Variants in SYT1 observed in about 807,000 individuals in gnomAD.
The protein encoded by SYT1 is synaptotagmin 1.
A neutral mutation model predicts 44.8 loss-of-function variants in SYT1; 8 were observed. That is an observed-to-expected ratio of 0.18 (90% CI 0.10 to 0.32). The LOEUF (loss-of-function observed/expected upper bound fraction) is 0.32, where lower values mean the gene tolerates loss of function less well. Among genes scored for constraint, SYT1 ranks in the 10% least tolerant of loss-of-function variants. SYT1 has a pLI of 1.00. For missense variants in SYT1, 286 were observed against 509.3 expected (o/e 0.56, Z 4.22); for synonymous variants, 154 against 188.8 (o/e 0.82, Z 1.51).
chr12:79,399,069 G>C (rs1884977191), intron 9 of SYT1, among the ~76,000 whole-genome samples: 1 of 152,138 alleles, frequency 6.6e-6, no homozygotes, highest in South Asian at 2.1e-4. Context: ...TTAATACATA[G>C]TCCAGTATTG....
At chr12:79,259,608 C>T (rs535145816) in intron 4 of SYT1, among the ~76,000 whole-genome samples, 3 of 152,248 alleles carry the variant, frequency 2.0e-5, no homozygotes, top group South Asian at 4.2e-4. Context: ...GTGTCATGCA[C>T]CTGTGGTCCC....
At chr12:79,054,845 T>C (rs183802754) in intron 3 of SYT1, among the ~76,000 whole-genome samples, 1 of 152,074 alleles carries the variant, frequency 6.6e-6, no homozygotes, top group Admixed American at 6.6e-5. Flanking sequence ...TCAGATTAAA[T>C]TATGTTTTTA....
rs113053569 is a variant in SYT1, at chr12:79,426,400, GA to G, written c.929-17663del. On this transcript the variant is annotated intron_variant, in intron 9 of 10. Transcript: ENST00000261205. ...TTCATACCACAGGCAATTATTCAAG[GA>G]AAAAAAAAACATATTTCACAGCCTT... is the stretch of plus-strand genomic sequence containing the variant. Among the ~76,000 whole-genome samples the G allele has an allele frequency of 4.5e-3, 659 of 147,316 alleles. 4 individuals carry two copies. The highest frequency in any genetic ancestry group is 5.6e-3 in the African/African-American group (224 of 40,274).
intron 4 of SYT1, among the ~76,000 whole-genome samples, chr12:79,257,336 G>A (rs762047525): frequency 9.2e-5 from 14 of 152,136 alleles, no homozygotes; most frequent in Non-Finnish European, 1.2e-4. Context: ...TATGTTTGTC[G>A]CACAGCTAAT....
chr12:79,323,660 A>T lies in SYT1; in HGVS notation c.810+24109A>T, dbSNP rs534238698. 3.5e-4 allele frequency among the ~76,000 whole-genome samples: 53 copies of T among 152,260 alleles called. 2 individuals carry two copies. In the South Asian group the frequency reaches 0.01, roughly 30 times the overall value. The stretch of plus-strand genomic sequence containing the variant: ...TATTCATGGATGCCAACATGCTGTA[A>T]CATAATTTTACATATTAAAATAGGC... On this transcript the variant is annotated intron_variant, in intron 8 of 10. Transcript: ENST00000261205.
Position 79,449,383 on chromosome 12 carries a change from T to A in SYT1, c.*259T>A, listed in dbSNP as rs1033925650. On this transcript the variant is annotated 3_prime_UTR_variant, in exon 11 of 11. Transcript: ENST00000261205. ...ATAGAGCATGAATGAAATTATTTAT[T>A]GTATCACACTGTTGTATATACCAGT... 6 of 465,518 alleles carry A rather than the reference T, an allele frequency of 1.3e-5. No individual in the cohort carries two copies. The highest frequency in any genetic ancestry group is 2.3e-5 in the Non-Finnish European group (6 of 257,284). 28.8% of individuals were successfully genotyped at this position (465,518 alleles called of 1,614,324 possible). A position where few individuals can be genotyped will look rare whatever the true frequency, so the allele number is the denominator to read the frequency against.
chr12:79,099,613 T>C (rs1176737924), intron 3 of SYT1, among the ~76,000 whole-genome samples: 1 of 152,148 alleles, frequency 6.6e-6, no homozygotes, highest in African/African-American at 2.4e-5. Flanking sequence ...TAGCTTGTCA[T>C]TTCTAACAAT....
intron 3 of SYT1, among the ~76,000 whole-genome samples, chr12:79,068,810 T>C (rs1269802660): frequency 6.6e-6 from 1 of 152,132 alleles, no homozygotes. Flanking sequence ...ACTCAGGAGT[T>C]CATGAGCAGC....
intron 3 of SYT1, among the ~76,000 whole-genome samples, chr12:79,215,147 G>A (rs1012819002): frequency 5.3e-5 from 8 of 152,110 alleles, no homozygotes; most frequent in Non-Finnish European, 1.0e-4. Context: ...CTTCTGGGAC[G>A]TGACTTGAGT....
intron 3 of SYT1, among the ~76,000 whole-genome samples, chr12:79,091,708 C>T (rs1877786999): frequency 6.6e-6 from 1 of 151,790 alleles, no homozygotes; most frequent in Non-Finnish European, 1.5e-5. Context: ...TTTCAGAATC[C>T]AGTCTAAATT....
chr12:79,430,493 T>C (rs560202732), intron 9 of SYT1, among the ~76,000 whole-genome samples: 6 of 152,220 alleles, frequency 3.9e-5, no homozygotes, highest in Non-Finnish European at 7.4e-5. Flanking sequence ...CCCCTAAGAG[T>C]TGCTTAGGAA....
intron 1 of SYT1, among the ~76,000 whole-genome samples, chr12:78,870,758 G>A (rs1286521384): frequency 1.3e-5 from 2 of 151,906 alleles, no homozygotes; most frequent in African/African-American, 2.4e-5. Flanking sequence ...ATTTCCGCTG[G>A]GCCATCCTCC....
intron 8 of SYT1, among the ~76,000 whole-genome samples, chr12:79,317,279 C>G (rs10746105): frequency 0.29 from 43,345 of 151,974 alleles, 6,753 homozygotes; most frequent in East Asian, 0.58. Context: ...AAGCTTTTTT[C>G]GAAAGCTGAT....
rs542341628 is a variant in SYT1, at chr12:79,418,826, G to A, written c.929-25247G>A. ...CAATATCAGGTATATCAGAGCCCGAGAGATAAGAGTGGTTTTCAATGCTGT... is the reference window on the plus strand; with the variant it reads ...CAATATCAGGTATATCAGAGCCCGAAAGATAAGAGTGGTTTTCAATGCTGT... On this transcript the variant is annotated intron_variant, in intron 9 of 10. Coordinates refer to ENST00000261205, the MANE Select transcript of SYT1 (RefSeq NM_005639.3). 8.5e-5 allele frequency among the ~76,000 whole-genome samples: 13 copies of A among 152,232 alleles called. No homozygotes were observed. The South Asian group carries it at 2.5e-3, about 29-fold the overall frequency.
intron 1 of SYT1, among the ~76,000 whole-genome samples, chr12:78,962,787 G>A (rs57163751): frequency 0.014 from 2,089 of 147,398 alleles, 57 homozygotes; most frequent in African/African-American, 0.049. Context: ...CCATGCCACA[G>A]CCAAAAATGA....
chr12:79,353,769 C>A (rs767187702), intron 9 of SYT1, 150 bp downstream of exon 9: 4 of 642,674 alleles, frequency 6.2e-6, no homozygotes, highest in Non-Finnish European at 1.1e-5. Flanking sequence ...TTCATCCCAA[C>A]ACAGTGCCCC....
At chr12:79,275,441 G>C (rs909133058) in intron 4 of SYT1, among the ~76,000 whole-genome samples, 1 of 152,122 alleles carries the variant, frequency 6.6e-6, no homozygotes, top group Non-Finnish European at 1.5e-5. Flanking sequence ...GTGCCCTCCA[G>C]GTTCAGGCTT....
At chr12:79,271,150 C>G (rs1878400822) in intron 4 of SYT1, among the ~76,000 whole-genome samples, 1 of 152,190 alleles carries the variant, frequency 6.6e-6, no homozygotes, top group Non-Finnish European at 1.5e-5. Context: ...CTGCAACACC[C>G]TTGCTCTTGG....
intron 4 of SYT1, among the ~76,000 whole-genome samples, chr12:79,276,166 A>G (rs1447174109): frequency 6.6e-6 from 1 of 152,152 alleles, no homozygotes; most frequent in African/African-American, 2.4e-5. Flanking sequence ...AAACAGTTTT[A>G]TAACACCCCC....
Sources: gnomAD v4.1 joint callset for allele counts (sites outside exome capture counted in the v4.1 genomes callset) on GRCh38, gnomAD v4.1.1 for gene constraint, MANE v1.5 for transcripts, NCBI Gene and HGNC (gene_info 2026-07-23, HGNC 2026-07-21) for gene names.